Variants in FRMD5 observed in about 807,000 individuals in gnomAD.
FRMD5 encodes FERM domain-containing protein 5.
FRMD5 carries 20 observed loss-of-function variants against 69.0 expected under a neutral mutation model. That is an observed-to-expected ratio of 0.29 (90% confidence interval 0.20 to 0.42). FRMD5 has a LOEUF of 0.42. Among genes scored for constraint, FRMD5 ranks in the 10% least tolerant of loss-of-function variants. The pLI is 1.00. For synonymous variants in FRMD5, 271 were observed against 260.1 expected, an observed-to-expected ratio of 1.04 and a Z score of -0.40; for missense variants, 595 against 708.6, an observed-to-expected ratio of 0.84 and a Z score of 1.82.
chr15:44,176,301 G>T (rs992088146), intron 1 of FRMD5, among the ~76,000 whole-genome samples: 4 of 152,140 alleles, frequency 2.6e-5, no homozygotes, highest in African/African-American at 9.7e-5. Flanking sequence ...CTTTTCAACT[G>T]ATTGCGCTGG....
intron 1 of FRMD5, among the ~76,000 whole-genome samples, chr15:43,998,536 G>C (rs1032030350): frequency 6.6e-6 from 1 of 152,198 alleles, no homozygotes; most frequent in African/African-American, 2.4e-5. Context: ...ACTCCACAGA[G>C]AGGGTGTCTG....
chr15:43,928,013 T>C (rs576348430), intron 1 of FRMD5, among the ~76,000 whole-genome samples: 50 of 152,298 alleles, frequency 3.3e-4, no homozygotes, highest in Middle Eastern at 6.8e-3. Flanking sequence ...CAACTTCAGA[T>C]TTCTTCCACT....
chr15:44,046,264 G>A (rs1377619533), intron 1 of FRMD5, among the ~76,000 whole-genome samples: 2 of 152,108 alleles, frequency 1.3e-5, no homozygotes, highest in East Asian at 3.8e-4. Context: ...AAGTAGGACA[G>A]AACTCAAGAG....
chr15:43,886,494 T>C (rs2088667060), intron 10 of FRMD5, among the ~76,000 whole-genome samples: 1 of 152,220 alleles, frequency 6.6e-6, no homozygotes, highest in Non-Finnish European at 1.5e-5. Flanking sequence ...GTGACTTCAC[T>C]GAGCCCATTA....
chr15:43,991,056 T>C (rs1170451015), intron 1 of FRMD5, among the ~76,000 whole-genome samples: 2 of 152,170 alleles, frequency 1.3e-5, no homozygotes, highest in Non-Finnish European at 2.9e-5. Context: ...AAATGAAAAA[T>C]TAGTTCTTAT....
At chr15:43,989,051 C>T in intron 1 of FRMD5, 2 of 851,208 alleles carry the variant, frequency 2.3e-6, no homozygotes, top group Non-Finnish European at 4.0e-6. Flanking sequence ...GCAACTAAGT[C>T]ACAGTCCGCC....
intron 1 of FRMD5, among the ~76,000 whole-genome samples, chr15:44,154,765 G>A (rs13379523): frequency 0.01 from 1,550 of 152,214 alleles, 34 homozygotes; most frequent in African/African-American, 0.035. Flanking sequence ...TTAGTCATGC[G>A]GAAGGGCTGA....
chr15:44,106,983 A>T (rs1380023998), intron 1 of FRMD5, among the ~76,000 whole-genome samples: 1 of 152,216 alleles, frequency 6.6e-6, no homozygotes, highest in African/African-American at 2.4e-5. Flanking sequence ...AATTTTTAAA[A>T]TATGCATCAA....
At chr15:44,161,012 G>T (rs187233659) in intron 1 of FRMD5, among the ~76,000 whole-genome samples, 1 of 152,124 alleles carries the variant, frequency 6.6e-6, no homozygotes, top group Non-Finnish European at 1.5e-5. Context: ...TAGCACCCTC[G>T]TGGCACAAAA....
At chr15:43,999,990 G>GCCATGCATATATATATATATATA (rs1566889956) in intron 1 of FRMD5, among the ~76,000 whole-genome samples, 2 of 28,908 alleles carry the variant, frequency 6.9e-5, no homozygotes, top group African/African-American at 2.7e-4. Context: ...ATATATATAT[G>GCCATGCATATATATATATATATA]TGCCATGATT....
At chr15:43,902,031 A>G in intron 7 of FRMD5, 144 bp downstream of exon 7, 1 of 676,520 alleles carries the variant, frequency 1.5e-6, no homozygotes, top group Non-Finnish European at 2.7e-6. Context: ...GAGTTTTCAA[A>G]GCAGGCATTT....
intron 13 of FRMD5, among the ~76,000 whole-genome samples, chr15:43,881,360 G>A (rs1408854173): frequency 6.6e-6 from 1 of 152,198 alleles, no homozygotes; most frequent in African/African-American, 2.4e-5. Context: ...AGAGCCAAGG[G>A]ACAGTGAGAG....
At position 43,872,281 on chromosome 15, in the gene FRMD5, A is replaced by AT. The variant is rs1438870070; in HGVS notation, c.*1603dup. 1 of 151,396 alleles carries AT rather than the reference A, an allele frequency of 6.6e-6. No homozygotes were observed. Among genetic ancestry groups the AT allele is most frequent in the Non-Finnish European group, 1.5e-5 (1 of 67,774 alleles). The allele number at this position is 151,396 out of a possible 1,614,324, so 9.4% of individuals were successfully genotyped here. A position where few individuals can be genotyped will look rare whatever the true frequency, so the allele number is the denominator to read the frequency against. ...TTGTAAACATGGACATGGTTCTACC[A>AT]TCTCGGGGGACAAAATAGGGGAGGT... is the stretch of plus-strand genomic sequence containing the variant. On this transcript the variant is annotated 3_prime_UTR_variant, in exon 14 of 14. Transcript: ENST00000417257.
At chr15:43,934,559 G>A (rs1461619132) in intron 1 of FRMD5, among the ~76,000 whole-genome samples, 5 of 152,164 alleles carry the variant, frequency 3.3e-5, no homozygotes, top group Non-Finnish European at 7.3e-5. Context: ...TAAATGGAAA[G>A]AGTAACTAAA....
intron 1 of FRMD5, among the ~76,000 whole-genome samples, chr15:44,188,235 C>T (rs2078135635): frequency 6.6e-6 from 1 of 152,114 alleles, no homozygotes. Context: ...TATAATGACG[C>T]ACTGCAGAAT....
At chr15:44,091,784 T>C (rs1021124664) in intron 1 of FRMD5, among the ~76,000 whole-genome samples, 1 of 152,104 alleles carries the variant, frequency 6.6e-6, no homozygotes, top group African/African-American at 2.4e-5. Context: ...CTTCCATCCA[T>C]GGGAATTTTT....
intron 1 of FRMD5, among the ~76,000 whole-genome samples, chr15:44,089,489 G>C (rs546016743): frequency 4.7e-4 from 72 of 152,140 alleles, no homozygotes; most frequent in Non-Finnish European, 9.7e-4. Context: ...AATCACTTGA[G>C]CTCAAGAGTT....
intron 1 of FRMD5, among the ~76,000 whole-genome samples, chr15:44,096,064 G>C (rs1022804565): frequency 1.3e-5 from 2 of 151,876 alleles, no homozygotes; most frequent in Non-Finnish European, 2.9e-5. Flanking sequence ...AAATTAGCTG[G>C]GCGTGGTGGT....
chr15:43,906,150 C>A (rs559009026), intron 5 of FRMD5, among the ~76,000 whole-genome samples, 199 bp from the exon 6 acceptor site: 1 of 152,356 alleles, frequency 6.6e-6, no homozygotes, highest in South Asian at 2.1e-4. Context: ...TCCAGGTGCA[C>A]ACACTGGGTT....
Sources: gnomAD v4.1 joint callset for allele counts (sites outside exome capture counted in the v4.1 genomes callset) on GRCh38, gnomAD v4.1.1 for gene constraint, MANE v1.5 for transcripts, NCBI Gene and HGNC (gene_info 2026-07-23, HGNC 2026-07-21) for gene names.